The following GRM8 variants were observed in gnomAD, a reference collection of about 807,000 sequenced individuals.
The protein encoded by GRM8 is metabotropic glutamate receptor 8.
In GRM8, 47 loss-of-function variants were observed where a neutral mutation model predicts 87.2. The ratio of observed to expected loss-of-function variants is 0.54; its 90% CI spans 0.43 to 0.69. The LOEUF (loss-of-function observed/expected upper bound fraction) is 0.69, where lower values mean the gene tolerates loss of function less well. GRM8 is among the 30% of genes least tolerant of loss of function. The probability of loss-of-function intolerance (pLI) is 0.00; values close to 1 mark genes in which losing one functional copy is unlikely to be tolerated. For synonymous variants in GRM8, 396 were observed against 404.5 expected, an observed-to-expected ratio of 0.98 and a Z score of 0.25; for missense variants, 1,019 against 1,139.2, an observed-to-expected ratio of 0.89 and a Z score of 1.52.
intron 7 of GRM8, among the ~76,000 whole-genome samples, chr7:126,706,078 G>T (rs1810480662): frequency 1.3e-5 from 2 of 152,042 alleles, no homozygotes; most frequent in Non-Finnish European, 2.9e-5. Flanking sequence ...TAATGTCATG[G>T]AAAATTTATT....
At chr7:126,606,008 A>G (rs187204861) in intron 8 of GRM8, among the ~76,000 whole-genome samples, 3 of 152,230 alleles carry the variant, frequency 2.0e-5, no homozygotes, top group Admixed American at 6.5e-5. Context: ...GTATGAGCAC[A>G]GACTGAATTT....
intron 6 of GRM8, among the ~76,000 whole-genome samples, chr7:126,816,378 A>G (rs543560312): frequency 6.6e-6 from 1 of 152,268 alleles, no homozygotes; most frequent in Admixed American, 6.5e-5. Context: ...ATAGTTTGTT[A>G]TCATTTAGGT....
At chr7:126,923,185 AT>A (rs1380477026) in intron 3 of GRM8, among the ~76,000 whole-genome samples, 1 of 152,134 alleles carries the variant, frequency 6.6e-6, no homozygotes, top group Non-Finnish European at 1.5e-5. Flanking sequence ...TCTTATGCTG[AT>A]TGCTTATTTG....
chr7:126,918,696 C>T (rs545641862), intron 3 of GRM8, among the ~76,000 whole-genome samples: 1 of 152,268 alleles, frequency 6.6e-6, no homozygotes, highest in South Asian at 2.1e-4. Context: ...CAAGCCAGGT[C>T]AATATTGCAT....
chr7:126,731,371 A>G (rs1198668570), intron 7 of GRM8, among the ~76,000 whole-genome samples: 1 of 152,138 alleles, frequency 6.6e-6, no homozygotes, highest in East Asian at 1.9e-4. Context: ...CAGAAATTTG[A>G]AGAATCACCT....
chr7:126,493,769 A>T (rs1407527796), intron 9 of GRM8, among the ~76,000 whole-genome samples: 3 of 151,912 alleles, frequency 2.0e-5, no homozygotes, highest in Non-Finnish European at 4.4e-5. Context: ...TCAACTACCA[A>T]CTCTATATGC....
At chr7:126,656,084 A>G (rs1270693500) in intron 7 of GRM8, among the ~76,000 whole-genome samples, 1 of 152,158 alleles carries the variant, frequency 6.6e-6, no homozygotes, top group Non-Finnish European at 1.5e-5. Context: ...TTGGCTTTCC[A>G]TTTGTTGGGG....
chr7:127,054,435 C>T (rs527544015), intron 3 of GRM8, among the ~76,000 whole-genome samples: 46 of 152,154 alleles, frequency 3.0e-4, no homozygotes, highest in Non-Finnish European at 4.1e-4. Flanking sequence ...ATATTATGTA[C>T]ATCAACCTCA....
intron 3 of GRM8, among the ~76,000 whole-genome samples, chr7:127,011,430 C>G (rs761346943): frequency 6.6e-6 from 1 of 152,086 alleles, no homozygotes; most frequent in Non-Finnish European, 1.5e-5. Context: ...CCAATTTTTA[C>G]TAAATTTATA....
intron 7 of GRM8, among the ~76,000 whole-genome samples, chr7:126,656,453 C>T (rs954077609): frequency 5.9e-5 from 9 of 152,016 alleles, no homozygotes; most frequent in Admixed American, 4.6e-4. Flanking sequence ...CCAAGGCGGG[C>T]GGATCGCAAG....
intron 2 of GRM8, among the ~76,000 whole-genome samples, chr7:127,128,061 T>C (rs939896596): frequency 1.3e-5 from 2 of 152,092 alleles, no homozygotes; most frequent in African/African-American, 4.8e-5. Context: ...GCAGGCACTC[T>C]CATGGCCTTC....
At chr7:126,485,596 T>C (rs1807259620) in intron 9 of GRM8, among the ~76,000 whole-genome samples, 1 of 151,878 alleles carries the variant, frequency 6.6e-6, no homozygotes, top group Non-Finnish European at 1.5e-5. Flanking sequence ...TAAAGAAGAA[T>C]TAAAATCAGA....
At chr7:127,116,984 G>C (rs1826735572) in intron 2 of GRM8, among the ~76,000 whole-genome samples, 1 of 152,138 alleles carries the variant, frequency 6.6e-6, no homozygotes, top group African/African-American at 2.4e-5. Context: ...AGGCTTGTAA[G>C]GGTAAGGCAT....
At chr7:127,246,831 T>A (rs1489015580) in intron 1 of GRM8, among the ~76,000 whole-genome samples, 2 of 152,196 alleles carry the variant, frequency 1.3e-5, no homozygotes, top group Non-Finnish European at 2.9e-5. Context: ...AGTATCTCCA[T>A]AAATTTTCAT....
chr7:126,961,057 A>T lies in GRM8; in HGVS notation c.728-56374T>A, dbSNP rs191421820. Among the ~76,000 whole-genome samples, 452 of 152,312 alleles carry T rather than the reference A, an allele frequency of 3.0e-3. 1 individual carries two copies. Among genetic ancestry groups the T allele is most frequent in the African/African-American group, 0.01 (432 of 41,562 alleles). ...ATTCTCCTTCTTCATTTTCATAAAG[A>T]CAGTTCTGACCATATTATCATAGCT... On this transcript the variant is annotated intron_variant, in intron 3 of 10. Coordinates refer to ENST00000339582, the MANE Select transcript of GRM8 (RefSeq NM_000845.3).
At chr7:126,863,749 T>G (rs1798344954) in intron 6 of GRM8, among the ~76,000 whole-genome samples, 1 of 152,274 alleles carries the variant, frequency 6.6e-6, no homozygotes, top group Middle Eastern at 3.4e-3. Context: ...TGAGGTAAGG[T>G]GTTAACATCT....
intron 8 of GRM8, among the ~76,000 whole-genome samples, chr7:126,569,497 T>C (rs1001954807): frequency 2.0e-5 from 3 of 152,188 alleles, no homozygotes; most frequent in Admixed American, 6.6e-5. Context: ...CGACACTTTG[T>C]GTCCACATCA....
chr7:126,903,701 ATATATG>A (rs1802368238), intron 5 of GRM8, among the ~76,000 whole-genome samples: 1 of 143,974 alleles, frequency 6.9e-6, no homozygotes, highest in Non-Finnish European at 1.5e-5. Flanking sequence ...ATGTGTATAT[ATATATG>A]TATATGTGTA....
At chr7:127,160,950 T>C (rs1035505384) in intron 2 of GRM8, among the ~76,000 whole-genome samples, 5 of 152,144 alleles carry the variant, frequency 3.3e-5, no homozygotes, top group African/African-American at 1.2e-4. Context: ...AGTGGTCTTT[T>C]CTTAGTAGAA....
Sources: allele counts gnomAD v4.1 joint callset (sites outside exome capture counted in the v4.1 genomes callset), GRCh38; gene constraint gnomAD v4.1.1; transcripts MANE v1.5; gene names NCBI Gene and HGNC (gene_info 2026-07-23, HGNC 2026-07-21).